ARHGAP21: variants seen among roughly 807,000 people sequenced by gnomAD.
ARHGAP21 encodes the protein Rho GTPase activating protein 21.
In ARHGAP21, 38 loss-of-function variants were observed where a neutral mutation model predicts 164.6. The observed-to-expected ratio is 0.23, with a 90% CI of 0.18 to 0.30. The LOEUF (loss-of-function observed/expected upper bound fraction) is 0.30. Ranked by LOEUF, ARHGAP21 falls within the 10% of genes least tolerant of loss-of-function variation. ARHGAP21 has a pLI of 1.00. For synonymous variants in ARHGAP21, 766 were observed against 857.9 expected, an observed-to-expected ratio of 0.89 and a Z score of 1.87; for missense variants, 1,822 against 2,370.7, an observed-to-expected ratio of 0.77 and a Z score of 4.81.
At chr10:24,630,775 G>A (rs1277758885) in intron 6 of ARHGAP21, among the ~76,000 whole-genome samples, 1 of 152,170 alleles carries the variant, frequency 6.6e-6, no homozygotes, top group East Asian at 1.9e-4. Flanking sequence ...TTACAGGCGT[G>A]AGCCACTGTG....
chr10:24,592,052 C>G, intron 21 of ARHGAP21, 40 bp from the exon 22 acceptor site: 4 of 1,476,154 alleles, frequency 2.7e-6, no homozygotes, highest in Admixed American at 4.4e-5. Context: ...CAGAATTTTT[C>G]TTAAGGAAGT....
intron 9 of ARHGAP21, among the ~76,000 whole-genome samples, chr10:24,613,246 A>G (rs974855735): frequency 2.6e-5 from 4 of 152,238 alleles, no homozygotes; most frequent in Non-Finnish European, 5.9e-5. Context: ...ATGCTAATAT[A>G]TTCACATGGC....
intron 2 of ARHGAP21, among the ~76,000 whole-genome samples, chr10:24,717,755 A>G (rs1183405041): frequency 6.6e-6 from 1 of 152,204 alleles, no homozygotes; most frequent in African/African-American, 2.4e-5. Context: ...ATTGTCTTAT[A>G]GGAGGTAATG....
rs1489243577 is a variant in ARHGAP21 at position 24,586,125 on chromosome 10, GA to G, written c.4183-20del. On this transcript the variant is annotated intron_variant, in intron 25 of 25. Transcript: ENST00000396432. ...AAGAACCCTGGGAAGCAAGAGAGAA[GA>G]AAGACTCTGAGCATAAGAATGCAGC... The G allele has an allele frequency of 6.5e-7, 1 of 1,550,250 alleles. No homozygotes were observed. The highest frequency in any genetic ancestry group is 8.7e-7 in the Non-Finnish European group (1 of 1,154,884).
chr10:24,714,277 C>T (rs1244883144), intron 2 of ARHGAP21: 2 of 152,132 alleles, frequency 1.3e-5, no homozygotes, highest in African/African-American at 4.8e-5. Context: ...AAGCAAAGAA[C>T]AAAAGAAACT....
chr10:24,702,422 C>T (rs1008057991), intron 2 of ARHGAP21, among the ~76,000 whole-genome samples: 1 of 152,084 alleles, frequency 6.6e-6, no homozygotes, highest in Non-Finnish European at 1.5e-5. Context: ...TGAGCCACCA[C>T]GCCTGGCCAA....
intron 11 of ARHGAP21, among the ~76,000 whole-genome samples, chr10:24,607,159 T>TAC (rs968189632): frequency 6.6e-6 from 1 of 152,210 alleles, no homozygotes; most frequent in African/African-American, 2.4e-5. Flanking sequence ...TAGAATACAG[T>TAC]ACACACACAT....
At chr10:24,601,847 A>G in intron 13 of ARHGAP21, 131 bp downstream of exon 13, 1 of 1,139,844 alleles carries the variant, frequency 8.8e-7, no homozygotes, top group Non-Finnish European at 1.1e-6. Flanking sequence ...ATGTAGAAAA[A>G]TCTATTTATA....
chr10:24,694,345 T>C (rs995760512), intron 2 of ARHGAP21, among the ~76,000 whole-genome samples: 1 of 152,366 alleles, frequency 6.6e-6, no homozygotes, highest in Middle Eastern at 3.4e-3. Context: ...CCTCCGTTGG[T>C]GTTTGGCAAC....
intron 4 of ARHGAP21, among the ~76,000 whole-genome samples, chr10:24,653,825 A>C (rs765643903): frequency 6.6e-6 from 1 of 152,220 alleles, no homozygotes; most frequent in Non-Finnish European, 1.5e-5. Context: ...TTTTAACAAC[A>C]AGAGCATGAG....
chr10:24,705,152 T>A (rs1844110160), intron 2 of ARHGAP21, among the ~76,000 whole-genome samples: 1 of 152,232 alleles, frequency 6.6e-6, no homozygotes, highest in South Asian at 2.1e-4. Flanking sequence ...TTTCTGATGA[T>A]GAGACTAACT....
chr10:24,600,853 A>G lies in ARHGAP21; in HGVS notation c.2925T>C (p.Asp975=). 6.2e-7 allele frequency: 1 copy of G among 1,614,158 alleles called. No individual in the cohort carries two copies. Among genetic ancestry groups the G allele is most frequent in the Admixed American group, 1.7e-5 (1 of 60,026 alleles). The part of the protein sequence containing the change: ...LRGHSLYLYK[D]KREQTTPSEE... Reference sequence around the variant, plus strand: ...CAGACGGAGTCGTCTGCTCTCTTTTATCTTTGTACAGGTAAAGTGAATGAC... The same window carrying G: ...CAGACGGAGTCGTCTGCTCTCTTTTGTCTTTGTACAGGTAAAGTGAATGAC... Residue 975 remains aspartate, a synonymous_variant, in exon 14 of 26, where the codon GAT becomes GAC. Coordinates refer to ENST00000396432, the MANE Select transcript of ARHGAP21 (RefSeq NM_020824.4).
At chr10:24,611,303 T>C (rs1198417349) in intron 9 of ARHGAP21, among the ~76,000 whole-genome samples, 1 of 152,230 alleles carries the variant, frequency 6.6e-6, no homozygotes, top group Non-Finnish European at 1.5e-5. Flanking sequence ...TTCTTATCCT[T>C]GGAGAACAAA....
intron 7 of ARHGAP21, chr10:24,629,412 A>G (rs1035807203): frequency 2.0e-5 from 3 of 152,236 alleles, no homozygotes; most frequent in Non-Finnish European, 4.4e-5. Flanking sequence ...ACTAAATACT[A>G]AAGTTTTCAA....
At chr10:24,666,709 T>G (rs1407553920) in intron 4 of ARHGAP21, among the ~76,000 whole-genome samples, 1 of 152,198 alleles carries the variant, frequency 6.6e-6, no homozygotes, top group Admixed American at 6.5e-5. Flanking sequence ...ATAAAAATCT[T>G]AAGTGCTCTC....
At chr10:24,716,920 A>T (rs2132303393) in intron 2 of ARHGAP21, among the ~76,000 whole-genome samples, 1 of 152,296 alleles carries the variant, frequency 6.6e-6, no homozygotes, top group East Asian at 1.9e-4. Flanking sequence ...TAGAGTCAGG[A>T]TTGTGGTTTT....
At chr10:24,708,208 G>A (rs987811420) in intron 2 of ARHGAP21, among the ~76,000 whole-genome samples, 1 of 152,130 alleles carries the variant, frequency 6.6e-6, no homozygotes, top group African/African-American at 2.4e-5. Flanking sequence ...CGCCTTGGTG[G>A]CTGGTTTGTC....
chr10:24,660,547 GA>G (rs1290597896), intron 4 of ARHGAP21, among the ~76,000 whole-genome samples: 2 of 152,088 alleles, frequency 1.3e-5, no homozygotes, highest in African/African-American at 2.4e-5. Context: ...GACCATGCTT[GA>G]AAAGTCTCCC....
chr10:24,715,721 T>G (rs538520339), intron 2 of ARHGAP21, among the ~76,000 whole-genome samples: 1 of 152,196 alleles, frequency 6.6e-6, no homozygotes, highest in Non-Finnish European at 1.5e-5. Flanking sequence ...CTAAAATAAG[T>G]ATTCAGCTGG....
Sources: allele counts gnomAD v4.1 joint callset (sites outside exome capture counted in the v4.1 genomes callset), GRCh38; gene constraint gnomAD v4.1.1; transcripts MANE v1.5; gene names NCBI Gene and HGNC (gene_info 2026-07-23, HGNC 2026-07-21).